The following NID1 variants were observed in gnomAD, a reference collection of about 807,000 sequenced individuals.
NID1 encodes the protein nidogen 1, also known as nidogen-1.
In NID1, 76 loss-of-function variants were observed where a neutral mutation model predicts 130.6. That is an observed-to-expected ratio of 0.58 (90% CI 0.48 to 0.70). The LOEUF (loss-of-function observed/expected upper bound fraction) is 0.70. Ranked by LOEUF, NID1 falls within the 30% of genes least tolerant of loss-of-function variation. The pLI, the probability that NID1 is intolerant of heterozygous loss-of-function variation, is 0.00. For synonymous variants in NID1, 665 were observed against 675.1 expected (o/e 0.98, Z 0.23); for missense variants, 1,517 against 1,664.8 (o/e 0.91, Z 1.54).
chr1:236,008,275 A>C (rs1021773089), intron 12 of NID1, among the ~76,000 whole-genome samples: 7 of 152,186 alleles, frequency 4.6e-5, no homozygotes, highest in African/African-American at 1.7e-4. Flanking sequence ...AACAAATCGC[A>C]ATTTCTCGTA....
At chr1:235,981,485 G>T in intron 16 of NID1, 126 bp downstream of exon 16, 1 of 1,012,298 alleles carries the variant, frequency 9.9e-7, no homozygotes, top group Non-Finnish European at 1.4e-6. Flanking sequence ...CAAAACTGTA[G>T]ACTCTTTCGT....
chr1:236,018,719 G>A (rs1177019074), intron 9 of NID1, among the ~76,000 whole-genome samples: 4 of 152,188 alleles, frequency 2.6e-5, no homozygotes, highest in Non-Finnish European at 4.4e-5. Context: ...GATTACAGGC[G>A]TGAGCCACAG....
chr1:236,027,018 G>A (rs1050366224), intron 7 of NID1, among the ~76,000 whole-genome samples: 1 of 152,142 alleles, frequency 6.6e-6, no homozygotes, highest in Non-Finnish European at 1.5e-5. Context: ...TGGGATTACA[G>A]GTGTGAGGCA....
intron 12 of NID1, among the ~76,000 whole-genome samples, chr1:236,011,462 C>A (rs116496947): frequency 0.011 from 1,710 of 152,198 alleles, 32 homozygotes; most frequent in African/African-American, 0.04. Context: ...GCCACTACGC[C>A]TGACTAATTT....
At chr1:236,038,333 C>T (rs1403782894) in intron 4 of NID1, 80 bp from the exon 5 acceptor site, 5 of 1,496,894 alleles carry the variant, frequency 3.3e-6, no homozygotes, top group Admixed American at 3.6e-5. Context: ...TAGGCACCCT[C>T]AAGCACTGCA....
chr1:235,997,122 C>A (rs1657950796), intron 12 of NID1, among the ~76,000 whole-genome samples: 1 of 152,194 alleles, frequency 6.6e-6, no homozygotes, highest in Non-Finnish European at 1.5e-5. Flanking sequence ...GCATGAGCCA[C>A]CATGCCTGGC....
chr1:235,984,704 G>A (rs1362444247), intron 15 of NID1, among the ~76,000 whole-genome samples: 1 of 152,176 alleles, frequency 6.6e-6, no homozygotes. Context: ...GACCATTTCA[G>A]CACAGTGGAA....
intron 12 of NID1, among the ~76,000 whole-genome samples, chr1:235,998,543 C>T (rs1004041325): frequency 6.6e-5 from 10 of 151,922 alleles, no homozygotes; most frequent in South Asian, 2.1e-4. Flanking sequence ...GGTGTGGTGG[C>T]GGGTGCCTGT....
rs185760276 is a variant in NID1, at chr1:236,046,468, G to A, written c.526-785C>T. Among the ~76,000 whole-genome samples, 1,234 of 152,178 alleles carry A rather than the reference G, an allele frequency of 8.1e-3. 10 individuals are homozygous for A. The highest frequency in any genetic ancestry group is 0.031 in the South Asian group (148 of 4,816). ...CAGGAGCGGTGGGAGTGCATCCCAT[G>A]CCAGGAGGCTGTGGTTGGTCAAGGC... On this transcript the variant is annotated intron_variant, in intron 2 of 19. Coordinates refer to ENST00000264187, the MANE Select transcript of NID1 (RefSeq NM_002508.3).
At chr1:236,041,498 T>C (rs992583697) in intron 4 of NID1, among the ~76,000 whole-genome samples, 8 of 152,156 alleles carry the variant, frequency 5.3e-5, no homozygotes, top group Admixed American at 2.0e-4. Flanking sequence ...AGGAAATAAA[T>C]GTCAAAGATA....
chr1:236,026,421 C>T (rs949796142), intron 7 of NID1, among the ~76,000 whole-genome samples: 25 of 152,174 alleles, frequency 1.6e-4, no homozygotes, highest in South Asian at 1.0e-3. Flanking sequence ...GTTTTGAAGA[C>T]GCCCAGAACT....
chr1:236,056,143 C>A lies in NID1; in HGVS notation c.226-7154G>T, dbSNP rs142326889. On this transcript the variant is annotated intron_variant, in intron 1 of 19. Transcript: ENST00000264187. ...TATAGCACTCATAGAAATTAACTCG[C>A]AATGGATTGAAGAATTAAATGTAAA... Among the ~76,000 whole-genome samples, 693 of 152,190 alleles carry A rather than the reference C, an allele frequency of 4.6e-3. 3 individuals carry two copies. Among genetic ancestry groups the A allele is most frequent in the Middle Eastern group, 0.01 (3 of 294 alleles).
chr1:236,045,345 C>A, intron 3 of NID1, 112 bp downstream of exon 3: 2 of 719,742 alleles, frequency 2.8e-6, no homozygotes, highest in Admixed American at 2.9e-5. Flanking sequence ...AAACTATATG[C>A]AAAACTTAAA....
intron 14 of NID1, among the ~76,000 whole-genome samples, chr1:235,988,529 T>A (rs1026440544): frequency 6.6e-6 from 1 of 152,198 alleles, no homozygotes; most frequent in African/African-American, 2.4e-5. Flanking sequence ...CACTTTGGTA[T>A]ATGTATCGAA....
chr1:236,050,369 C>G (rs1183064359), intron 1 of NID1, among the ~76,000 whole-genome samples: 1 of 151,572 alleles, frequency 6.6e-6, no homozygotes, highest in Non-Finnish European at 1.5e-5. Flanking sequence ...GCCTGACCAA[C>G]ATGGTGAAAC....
At chr1:236,032,334 C>T in intron 6 of NID1, 67 bp downstream of exon 6, 4 of 1,564,146 alleles carry the variant, frequency 2.6e-6, no homozygotes, top group Middle Eastern at 4.6e-4. Flanking sequence ...CTCCTTCCAT[C>T]CATCCCCAGG....
At chr1:235,989,698 G>A (rs1317414686) in intron 14 of NID1, among the ~76,000 whole-genome samples, 1 of 152,264 alleles carries the variant, frequency 6.6e-6, no homozygotes, top group Non-Finnish European at 1.5e-5. Flanking sequence ...GAGCTAGAGA[G>A]CAGTGGTGGC....
intron 12 of NID1, among the ~76,000 whole-genome samples, chr1:235,996,996 G>A (rs553366523): frequency 2.6e-5 from 4 of 152,162 alleles, no homozygotes; most frequent in East Asian, 3.9e-4. Context: ...CACCATGCCC[G>A]GCTAATTTTG....
intron 12 of NID1, among the ~76,000 whole-genome samples, chr1:236,003,072 G>C (rs1658126164): frequency 6.6e-6 from 1 of 152,068 alleles, no homozygotes; most frequent in African/African-American, 2.4e-5. Flanking sequence ...CACTCCTAGT[G>C]AACGAGTGGT....
Sources: allele counts gnomAD v4.1 joint callset (sites outside exome capture counted in the v4.1 genomes callset), GRCh38; gene constraint gnomAD v4.1.1; transcripts MANE v1.5; gene names NCBI Gene and HGNC (gene_info 2026-07-23, HGNC 2026-07-21).